The following ULK4 variants were observed in gnomAD, a reference collection of about 807,000 sequenced individuals.
The protein encoded by ULK4 is unc-51 like kinase 4.
Under a neutral mutation model 160.6 loss-of-function variants are expected in ULK4, and 133 were observed. The ratio of observed to expected loss-of-function variants is 0.83; its 90% CI spans 0.72 to 0.96. The LOEUF (loss-of-function observed/expected upper bound fraction) is 0.96. Among genes scored for constraint, ULK4 ranks in the 40% least tolerant of loss-of-function variants. The probability of loss-of-function intolerance (pLI) is 0.00; values close to 1 mark genes in which losing one functional copy is unlikely to be tolerated. For synonymous variants in ULK4, 534 were observed against 539.8 expected (o/e 0.99, Z 0.15); for missense variants, 1,580 against 1,499.5 (o/e 1.05, Z -0.89).
intron 2 of ULK4, among the ~76,000 whole-genome samples, chr3:41,947,770 T>C (rs1408008965): frequency 6.6e-6 from 1 of 152,202 alleles, no homozygotes; most frequent in African/African-American, 2.4e-5. Flanking sequence ...ACCATTTGAA[T>C]GGAGTGTTTA....
At chr3:41,563,970 G>A (rs1221408704) in intron 32 of ULK4, among the ~76,000 whole-genome samples, 1 of 152,186 alleles carries the variant, frequency 6.6e-6, no homozygotes, top group Non-Finnish European at 1.5e-5. Context: ...CAGCTTTTCT[G>A]CTCTGGTTTC....
chr3:41,644,652 C>A (rs1162404597), intron 30 of ULK4, among the ~76,000 whole-genome samples: 1 of 151,180 alleles, frequency 6.6e-6, no homozygotes, highest in Non-Finnish European at 1.5e-5. Context: ...GTCTAAAATT[C>A]TCTTTTTTGG....
intron 35 of ULK4, among the ~76,000 whole-genome samples, chr3:41,282,027 A>C (rs1000804591): frequency 1.3e-5 from 2 of 152,218 alleles, no homozygotes; most frequent in Non-Finnish European, 2.9e-5. Context: ...AGAGAGCCAA[A>C]TCATGAGTGA....
At chr3:41,607,539 C>T (rs573102426) in intron 31 of ULK4, among the ~76,000 whole-genome samples, 2 of 152,216 alleles carry the variant, frequency 1.3e-5, no homozygotes, top group Admixed American at 1.3e-4. Context: ...AGGTATCACC[C>T]TTTGAAGTGT....
chr3:41,915,776 G>A (rs1302798643), intron 8 of ULK4, among the ~76,000 whole-genome samples: 1 of 152,120 alleles, frequency 6.6e-6, no homozygotes, highest in Non-Finnish European at 1.5e-5. Flanking sequence ...TGCAAACTGA[G>A]AGAAAAACTT....
intron 25 of ULK4, among the ~76,000 whole-genome samples, chr3:41,711,582 A>G (rs1365475255): frequency 6.6e-6 from 1 of 152,234 alleles, no homozygotes; most frequent in Non-Finnish European, 1.5e-5. Flanking sequence ...ATCTATCAAT[A>G]AACCAGCATT....
At chr3:41,510,502 C>T (rs1418564817) in intron 32 of ULK4, among the ~76,000 whole-genome samples, 1 of 152,122 alleles carries the variant, frequency 6.6e-6, no homozygotes, top group Non-Finnish European at 1.5e-5. Context: ...ATTTACAGAA[C>T]ATTCTACCCA....
At chr3:41,433,725 A>T (rs2082965915) in intron 34 of ULK4, among the ~76,000 whole-genome samples, 1 of 106,250 alleles carries the variant, frequency 9.4e-6, no homozygotes, top group Admixed American at 8.2e-5. Flanking sequence ...CAAAAATCCC[A>T]AACTTTTTTT....
chr3:41,579,138 A>G (rs2030007856), intron 31 of ULK4, among the ~76,000 whole-genome samples: 2 of 152,216 alleles, frequency 1.3e-5, no homozygotes, highest in African/African-American at 4.8e-5. Context: ...AGGAAATGGG[A>G]AAGAGGGAAA....
rs2037049629 is a variant in ULK4, at chr3:41,710,371, T to C, written c.2634+4866A>G. On this transcript the variant is annotated intron_variant, in intron 25 of 36. Coordinates refer to ENST00000301831, the MANE Select transcript of ULK4 (RefSeq NM_017886.4). The stretch of plus-strand genomic sequence containing the variant: ...GATTCAAGGAGAAAGGAACATATAG[T>C]CATTGGCTGATGTGAATTTTAAGAG... Among the ~76,000 whole-genome samples, 3 of 152,090 alleles carry C rather than the reference T, an allele frequency of 2.0e-5. No homozygotes were observed. The South Asian group carries it at 6.2e-4, about 32-fold the overall frequency.
At chr3:41,314,211 A>T (rs1409554667) in intron 35 of ULK4, among the ~76,000 whole-genome samples, 1 of 152,170 alleles carries the variant, frequency 6.6e-6, no homozygotes, top group Non-Finnish European at 1.5e-5. Context: ...AATATTTTTT[A>T]AAATTTTTAT....
chr3:41,671,093 C>A (rs1451295263), intron 29 of ULK4, among the ~76,000 whole-genome samples: 2 of 151,898 alleles, frequency 1.3e-5, no homozygotes, highest in Non-Finnish European at 2.9e-5. Context: ...AAAGATTTAT[C>A]AAAGGTGAAA....
At position 41,475,315 on chromosome 3, in the gene ULK4, G is replaced by C. The variant is rs186331904; in HGVS notation, c.3227-12062C>G. On this transcript the variant is annotated intron_variant, in intron 32 of 36. Coordinates refer to ENST00000301831, the MANE Select transcript of ULK4 (RefSeq NM_017886.4). ...AATACAAAGAAGCAGAGAGTAGAAT[G>C]GTGGATACCAGAGACTGAGAAGGTG... 3.3e-3 allele frequency among the ~76,000 whole-genome samples: 496 copies of C among 152,298 alleles called. 3 individuals carry two copies. Among genetic ancestry groups the C allele is most frequent in the Non-Finnish European group, 5.2e-3 (354 of 68,014 alleles).
chr3:41,719,624 C>A (rs2037381766), intron 22 of ULK4, among the ~76,000 whole-genome samples: 1 of 152,098 alleles, frequency 6.6e-6, no homozygotes, highest in Non-Finnish European at 1.5e-5. Flanking sequence ...AAATATTCTT[C>A]CAACTCTTTC....
At chr3:41,288,002 G>A (rs547929662) in intron 35 of ULK4, among the ~76,000 whole-genome samples, 31 of 152,246 alleles carry the variant, frequency 2.0e-4, no homozygotes, top group African/African-American at 5.5e-4. Context: ...TGGGTTAAAT[G>A]TCTTTAGAGT....
chr3:41,876,991 T>C (rs1172446904), intron 17 of ULK4, among the ~76,000 whole-genome samples: 2 of 152,192 alleles, frequency 1.3e-5, no homozygotes, highest in African/African-American at 2.4e-5. Context: ...AAGCAATACA[T>C]TTATGTTTTG....
intron 31 of ULK4, among the ~76,000 whole-genome samples, chr3:41,614,539 T>C (rs2032865357): frequency 6.6e-6 from 1 of 152,188 alleles, no homozygotes; most frequent in Admixed American, 6.5e-5. Flanking sequence ...CTCTATCCTT[T>C]CTCTAAAATC....
At chr3:41,834,167 G>C (rs1013239372) in intron 18 of ULK4, among the ~76,000 whole-genome samples, 2 of 151,804 alleles carry the variant, frequency 1.3e-5, no homozygotes, top group African/African-American at 4.8e-5. Context: ...AGTGTTCTAG[G>C]TTTGTGAATA....
At chr3:41,400,107 A>G (rs1045101776) in intron 34 of ULK4, among the ~76,000 whole-genome samples, 5 of 152,176 alleles carry the variant, frequency 3.3e-5, no homozygotes, top group African/African-American at 1.2e-4. Context: ...GAGATTCCAT[A>G]TATACTTCAC....
Sources: gnomAD v4.1 joint callset for allele counts (sites outside exome capture counted in the v4.1 genomes callset) on GRCh38, gnomAD v4.1.1 for gene constraint, MANE v1.5 for transcripts, NCBI Gene and HGNC (gene_info 2026-07-23, HGNC 2026-07-21) for gene names.